Variants in PRELID2 observed in about 807,000 individuals in gnomAD.
PRELID2 encodes the protein PRELI domain containing 2, also known as PRELI domain-containing protein 2.
Under a neutral mutation model 28.4 loss-of-function variants are expected in PRELID2, and 25 were observed. The observed-to-expected ratio is 0.88, with a 90% CI of 0.64 to 1.23. PRELID2 has a LOEUF of 1.23. Ranked by LOEUF, PRELID2 falls within the 50% of genes most tolerant of loss-of-function variation. The pLI is 0.00. For missense variants in PRELID2, 201 were observed against 214.4 expected, an observed-to-expected ratio of 0.94 and a Z score of 0.39; for synonymous variants, 76 against 71.6, an observed-to-expected ratio of 1.06 and a Z score of -0.31.
the PRELID2 span, among the ~76,000 whole-genome samples, chr5:145,415,870 T>G: frequency 1.7e-4 from 26 of 151,794 alleles, no homozygotes; most frequent in Admixed American, 3.3e-4. Context: ...ACTTCCACAA[T>G]GGTTGAACTA....
intron 1 of PRELID2, among the ~76,000 whole-genome samples, chr5:145,640,813 G>A (rs930464853): frequency 2.0e-5 from 3 of 152,140 alleles, no homozygotes; most frequent in East Asian, 1.9e-4. Flanking sequence ...ATATTGGCAT[G>A]TGAACAATAA....
chr5:145,719,227 G>T (rs888757767), intron 1 of PRELID2, among the ~76,000 whole-genome samples: 2 of 151,926 alleles, frequency 1.3e-5, no homozygotes, highest in African/African-American at 4.8e-5. Flanking sequence ...AGGGGGAGTA[G>T]CATGTCTAAG....
intron 1 of PRELID2, among the ~76,000 whole-genome samples, chr5:145,528,718 CACACACACAGAG>C (rs1485993520): frequency 1.5e-5 from 2 of 135,222 alleles, no homozygotes; most frequent in African/African-American, 5.7e-5. Flanking sequence ...CACACACACA[CACACACACAGAG>C]AGAGAGAGAG....
intron 1 of PRELID2, among the ~76,000 whole-genome samples, chr5:145,592,491 CACAT>C (rs1753245273): frequency 1.3e-5 from 2 of 152,046 alleles, no homozygotes; most frequent in African/African-American, 4.8e-5. Flanking sequence ...CACACACACA[CACAT>C]TGCTATGGAG....
At chr5:145,709,011 T>C (rs1437074183) in intron 1 of PRELID2, among the ~76,000 whole-genome samples, 13 of 152,230 alleles carry the variant, frequency 8.5e-5, no homozygotes. Context: ...GGCAAGCACC[T>C]GGGTGAGAAA....
chr5:145,681,162 A>T (rs922011037), intron 1 of PRELID2, among the ~76,000 whole-genome samples: 1 of 152,190 alleles, frequency 6.6e-6, no homozygotes, highest in African/African-American at 2.4e-5. Context: ...TCCAGGGGCC[A>T]CTTCCAAAAT....
At chr5:145,742,979 A>G (rs976105212) in intron 1 of PRELID2, among the ~76,000 whole-genome samples, 4 of 152,076 alleles carry the variant, frequency 2.6e-5, no homozygotes, top group African/African-American at 9.7e-5. Flanking sequence ...AAATTGACCA[A>G]TTTCTCAAAA....
chr5:145,828,151 C>T (rs1459570657), intron 1 of PRELID2, among the ~76,000 whole-genome samples: 1 of 152,118 alleles, frequency 6.6e-6, no homozygotes, highest in Non-Finnish European at 1.5e-5. Context: ...CTGTGAGAAG[C>T]TTGGACAAAT....
intron 1 of PRELID2, among the ~76,000 whole-genome samples, chr5:145,654,554 T>C (rs919722635): frequency 2.0e-5 from 3 of 152,176 alleles, no homozygotes; most frequent in Admixed American, 1.3e-4. Flanking sequence ...TCCACCATGA[T>C]CAACTGGGCT....
chr5:145,483,755 A>ATCACAAATAGGTTTTC (rs1475332190), intron 1 of PRELID2, among the ~76,000 whole-genome samples: 1 of 152,232 alleles, frequency 6.6e-6, no homozygotes, highest in African/African-American at 2.4e-5. Context: ...ACGGAGTTGA[A>ATCACAAATAGGTTTTC]AACCTATGTC....
the PRELID2 span, among the ~76,000 whole-genome samples, chr5:145,237,111 G>C: frequency 6.6e-6 from 1 of 152,086 alleles, no homozygotes; most frequent in East Asian, 1.9e-4. Flanking sequence ...CATAAAAACT[G>C]CATGTCCCAA....
intron 1 of PRELID2, among the ~76,000 whole-genome samples, chr5:145,489,457 G>T (rs1752248824): frequency 6.6e-6 from 1 of 152,076 alleles, no homozygotes. Flanking sequence ...TTAAATAGTT[G>T]GGTACTAAGT....
At chr5:145,700,070 C>T (rs1334305223) in intron 1 of PRELID2, among the ~76,000 whole-genome samples, 1 of 152,128 alleles carries the variant, frequency 6.6e-6, no homozygotes, top group Non-Finnish European at 1.5e-5. Context: ...ACTTAATTCC[C>T]TCTTAATAGG....
At chr5:145,526,355 T>G (rs943873163) in intron 1 of PRELID2, among the ~76,000 whole-genome samples, 4 of 152,030 alleles carry the variant, frequency 2.6e-5, no homozygotes, top group Non-Finnish European at 5.9e-5. Context: ...ACACAAAACC[T>G]GTAGTGAAGG....
chr5:145,461,403 C>G, the PRELID2 span, among the ~76,000 whole-genome samples: 30 of 152,142 alleles, frequency 2.0e-4, no homozygotes, highest in South Asian at 2.7e-3. Flanking sequence ...CCCGGGTTCA[C>G]GCCATTCTCC....
At chr5:145,781,516 C>T (rs894231299) in intron 5 of PRELID2, among the ~76,000 whole-genome samples, 5 of 151,178 alleles carry the variant, frequency 3.3e-5, no homozygotes, top group African/African-American at 1.2e-4. Flanking sequence ...TTCCTAAAGG[C>T]ACTTAGTCCA....
At chr5:145,610,571 C>G (rs1015570621) in intron 1 of PRELID2, among the ~76,000 whole-genome samples, 1 of 152,202 alleles carries the variant, frequency 6.6e-6, no homozygotes, top group Non-Finnish European at 1.5e-5. Flanking sequence ...GAGATCCTGA[C>G]TAATTGTTGA....
the PRELID2 span, among the ~76,000 whole-genome samples, chr5:145,283,816 G>A: frequency 2.6e-5 from 4 of 152,104 alleles, no homozygotes; most frequent in African/African-American, 9.7e-5. Flanking sequence ...TTATTTAGAT[G>A]TTAAATTGAT....
At chr5:145,508,380 T>C (rs971632532) in intron 1 of PRELID2, among the ~76,000 whole-genome samples, 1 of 152,082 alleles carries the variant, frequency 6.6e-6, no homozygotes, top group Non-Finnish European at 1.5e-5. Context: ...TAGTTGTATA[T>C]GCTTAGAAAA....
Sources: allele counts gnomAD v4.1 joint callset (sites outside exome capture counted in the v4.1 genomes callset), GRCh38; gene constraint gnomAD v4.1.1; transcripts MANE v1.5; gene names NCBI Gene and HGNC (gene_info 2026-07-23, HGNC 2026-07-21).